Variants in TNNI3K observed in about 807,000 individuals in gnomAD.
TNNI3K encodes serine/threonine-protein kinase TNNI3K.
A neutral mutation model predicts 114.5 loss-of-function variants in TNNI3K; 140 were observed. The ratio of observed to expected loss-of-function variants is 1.22; its 90% confidence interval spans 1.07 to 1.41. The LOEUF (loss-of-function observed/expected upper bound fraction) is 1.41, where lower values mean the gene tolerates loss of function less well. TNNI3K is among the 40% of genes most tolerant of loss of function. The probability of loss-of-function intolerance (pLI) is 0.00; values close to 1 mark genes in which losing one functional copy is unlikely to be tolerated. For synonymous variants in TNNI3K, 347 were observed against 347.5 expected, an observed-to-expected ratio of 1.00 and a Z score of 0.02; for missense variants, 1,125 against 1,007.6, an observed-to-expected ratio of 1.12 and a Z score of -1.58.
At chr1:74,541,362 G>T (rs1354869580) in intron 24 of TNNI3K, among the ~76,000 whole-genome samples, 1 of 152,124 alleles carries the variant, frequency 6.6e-6, no homozygotes, top group Non-Finnish European at 1.5e-5. Flanking sequence ...GGGAAATTTT[G>T]TGCTTCTGAC....
At chr1:74,400,570 G>A (rs1489792891) in intron 17 of TNNI3K, among the ~76,000 whole-genome samples, 1 of 152,144 alleles carries the variant, frequency 6.6e-6, no homozygotes, top group Non-Finnish European at 1.5e-5. Flanking sequence ...AGGGATGCAT[G>A]GGGAAATGAG....
chr1:74,236,269 T>C, intron 2 of TNNI3K, 59 bp downstream of exon 2: 1 of 1,441,170 alleles, frequency 6.9e-7, no homozygotes, highest in Non-Finnish European at 9.5e-7. Context: ...CACCTTATTT[T>C]TTAAAGTATC....
chr1:74,512,565 TA>T (rs1366294417), intron 23 of TNNI3K: 2 of 152,178 alleles, frequency 1.3e-5, no homozygotes, highest in Non-Finnish European at 2.9e-5. Context: ...ATCTCTACAT[TA>T]AAAGGTGGAT....
intron 17 of TNNI3K, among the ~76,000 whole-genome samples, chr1:74,393,569 G>A (rs1347750890): frequency 1.3e-5 from 2 of 152,144 alleles, no homozygotes; most frequent in African/African-American, 4.8e-5. Context: ...ACACAAGCCA[G>A]TTTGAACAAA....
intron 17 of TNNI3K, among the ~76,000 whole-genome samples, chr1:74,392,952 A>G (rs1557539722): frequency 6.6e-6 from 1 of 152,220 alleles, no homozygotes; most frequent in Non-Finnish European, 1.5e-5. Context: ...TTTTCTGCCT[A>G]AACACAAGCC....
intron 17 of TNNI3K, among the ~76,000 whole-genome samples, chr1:74,379,137 T>C (rs1467409259): frequency 1.3e-5 from 2 of 151,988 alleles, no homozygotes; most frequent in African/African-American, 4.8e-5. Flanking sequence ...GCTTTGGGAG[T>C]GTGGCAACAT....
intron 17 of TNNI3K, among the ~76,000 whole-genome samples, chr1:74,406,818 T>A (rs906189694): frequency 2.0e-5 from 3 of 152,228 alleles, no homozygotes; most frequent in African/African-American, 7.2e-5. Context: ...GAATGGCCTA[T>A]GCCATTTACT....
At chr1:74,376,066 T>C (rs1662889905) in intron 17 of TNNI3K, among the ~76,000 whole-genome samples, 1 of 151,968 alleles carries the variant, frequency 6.6e-6, no homozygotes, top group Non-Finnish European at 1.5e-5. Context: ...TAGCCAACTT[T>C]CCAATGACAA....
chr1:74,336,938 A>G (rs1660502016), intron 7 of TNNI3K, among the ~76,000 whole-genome samples: 2 of 152,020 alleles, frequency 1.3e-5, no homozygotes, highest in Non-Finnish European at 2.9e-5. Flanking sequence ...GACTTCCACA[A>G]TGGTTGAACT....
intron 23 of TNNI3K, among the ~76,000 whole-genome samples, chr1:74,494,554 CT>C (rs1221963615): frequency 3.3e-5 from 5 of 152,172 alleles, no homozygotes; most frequent in Non-Finnish European, 7.4e-5. Context: ...CCAGTTCTAT[CT>C]TCTGTTCTTA....
At position 74,336,147 on chromosome 1, in the gene TNNI3K, A is replaced by G. The variant is rs373725645; in HGVS notation, c.680A>G (p.Asp227Gly). Residue 227 changes from aspartate to glycine, a missense_variant and splice_region_variant, in exon 7 of 25, where the codon GAT (aspartate) becomes GGT (glycine). By Grantham distance (94) the Asp-to-Gly change is moderately conservative (BLOSUM62 -1). Coordinates refer to ENST00000326637, the MANE Select transcript of TNNI3K (RefSeq NM_015978.3). Reference protein sequence around the residue: ...KLLMEEGSKADVNAQDNEDHV... With the variant: ...KLLMEEGSKAGVNAQDNEDHV... ...TTGATGGAAGAAGGCAGCAAAGCAG[A>G]TGGTAAGATTATATATTTAAAAGAC... 6.3e-7 allele frequency: 1 copy of G among 1,597,600 alleles called. No homozygotes were observed. The highest frequency in any genetic ancestry group is 8.5e-7 in the Non-Finnish European group (1 of 1,175,722).
chr1:74,540,461 ATGT>A, intron 24 of TNNI3K, 148 bp downstream of exon 24: 1 of 770,798 alleles, frequency 1.3e-6, no homozygotes, highest in Non-Finnish European at 2.0e-6. Flanking sequence ...TTGATTTTAT[ATGT>A]CTTTTATAAC....
intron 17 of TNNI3K, among the ~76,000 whole-genome samples, chr1:74,392,716 A>C (rs895828534): frequency 1.3e-5 from 2 of 152,202 alleles, no homozygotes; most frequent in African/African-American, 4.8e-5. Flanking sequence ...CATTCCAATA[A>C]ATGAGAGTTG....
intron 9 of TNNI3K, among the ~76,000 whole-genome samples, chr1:74,345,559 T>A (rs1474630805): frequency 6.6e-6 from 1 of 152,190 alleles, no homozygotes; most frequent in Non-Finnish European, 1.5e-5. Context: ...GGCAAGGCCA[T>A]CCCAGGAAGA....
chr1:74,529,428 G>A (rs1352484357), intron 23 of TNNI3K, among the ~76,000 whole-genome samples: 3 of 152,288 alleles, frequency 2.0e-5, no homozygotes, highest in East Asian at 1.9e-4. Context: ...AAATGTCACG[G>A]TTAGGAAATT....
chr1:74,276,861 G>T (rs1223704345), intron 5 of TNNI3K, among the ~76,000 whole-genome samples: 1 of 152,090 alleles, frequency 6.6e-6, no homozygotes, highest in East Asian at 1.9e-4. Context: ...GAGAACATGT[G>T]CTGCAGATTC....
chr1:74,473,407 T>C (rs1276695178), intron 21 of TNNI3K, among the ~76,000 whole-genome samples: 1 of 152,128 alleles, frequency 6.6e-6, no homozygotes, highest in Non-Finnish European at 1.5e-5. Flanking sequence ...ATACTTTCTA[T>C]TGTTTCATGA....
At chr1:74,298,905 C>G (rs1369811387) in intron 5 of TNNI3K, among the ~76,000 whole-genome samples, 1 of 151,984 alleles carries the variant, frequency 6.6e-6, no homozygotes, top group Non-Finnish European at 1.5e-5. Context: ...AAATAAGATA[C>G]CAGTTGGCAG....
chr1:74,248,819 G>A (rs971488709), intron 2 of TNNI3K, among the ~76,000 whole-genome samples: 19 of 152,048 alleles, frequency 1.2e-4, no homozygotes, highest in Middle Eastern at 3.2e-3. Flanking sequence ...AGTTATTCCT[G>A]TATCTTTGAG....
Sources: gnomAD v4.1 joint callset for allele counts (sites outside exome capture counted in the v4.1 genomes callset) on GRCh38, gnomAD v4.1.1 for gene constraint, MANE v1.5 for transcripts, NCBI Gene and HGNC (gene_info 2026-07-23, HGNC 2026-07-21) for gene names.